Variants in FRMD3 observed in about 807,000 individuals in gnomAD.
The protein encoded by FRMD3 is FERM domain containing 3, also known as FERM domain-containing protein 3.
FRMD3 carries 33 observed loss-of-function variants against 70.2 expected under a neutral mutation model. The observed-to-expected ratio is 0.47, with a 90% CI of 0.36 to 0.63. FRMD3 has a LOEUF of 0.63. FRMD3 is among the 20% of genes least tolerant of loss of function. The pLI is 0.00. For missense variants in FRMD3, 632 were observed against 711.4 expected, an observed-to-expected ratio of 0.89 and a Z score of 1.27; for synonymous variants, 279 against 255.9, an observed-to-expected ratio of 1.09 and a Z score of -0.86.
chr9:83,273,908 T>C (rs557410053), intron 13 of FRMD3, among the ~76,000 whole-genome samples: 15 of 152,278 alleles, frequency 9.9e-5, no homozygotes, highest in Non-Finnish European at 1.8e-4. Flanking sequence ...CTCGACCTCC[T>C]GGGCTTCAAA....
chr9:83,467,973 C>A (rs1485832630), intron 1 of FRMD3, among the ~76,000 whole-genome samples: 1 of 151,930 alleles, frequency 6.6e-6, no homozygotes, highest in East Asian at 1.9e-4. Context: ...ATACTTAGGC[C>A]TCACTCCCAG....
intron 1 of FRMD3, among the ~76,000 whole-genome samples, chr9:83,534,616 C>T (rs1445935156): frequency 6.6e-6 from 1 of 152,160 alleles, no homozygotes; most frequent in Non-Finnish European, 1.5e-5. Context: ...GGCAATTCTC[C>T]CTTAGTTTCT....
the FRMD3 span, among the ~76,000 whole-genome samples, chr9:83,576,331 G>A: frequency 2.8e-4 from 42 of 151,606 alleles, no homozygotes; most frequent in South Asian, 1.2e-3. Context: ...AAAAATTGTC[G>A]AACTCTACAT....
chr9:83,407,054 C>T (rs1826124909), intron 1 of FRMD3, among the ~76,000 whole-genome samples: 1 of 152,168 alleles, frequency 6.6e-6, no homozygotes, highest in Non-Finnish European at 1.5e-5. Context: ...GCAGATCCTG[C>T]TTCTGCATGA....
At chr9:83,271,580 G>A in intron 13 of FRMD3, among the ~76,000 whole-genome samples, 1 of 152,170 alleles carries the variant, frequency 6.6e-6, no homozygotes, top group East Asian at 1.9e-4. Context: ...TGGAAAGTGA[G>A]ACAACAGTAT....
At chr9:83,521,951 C>T (rs1172989007) in intron 1 of FRMD3, among the ~76,000 whole-genome samples, 1 of 152,204 alleles carries the variant, frequency 6.6e-6, no homozygotes, top group East Asian at 1.9e-4. Flanking sequence ...TCATCTACTC[C>T]AGAAAATCTT....
chr9:83,571,044 T>C, the FRMD3 span, among the ~76,000 whole-genome samples: 3 of 152,306 alleles, frequency 2.0e-5, no homozygotes, highest in East Asian at 3.9e-4. Flanking sequence ...TCATATGGAC[T>C]AGTGGGAGGT....
chr9:83,484,848 A>G (rs987616057), intron 1 of FRMD3, among the ~76,000 whole-genome samples: 13 of 152,368 alleles, frequency 8.5e-5, no homozygotes, highest in African/African-American at 3.1e-4. Context: ...AGAAGTTGTA[A>G]AAGGAAACAA....
At chr9:83,561,544 A>G in the FRMD3 span, among the ~76,000 whole-genome samples, 1 of 152,308 alleles carries the variant, frequency 6.6e-6, no homozygotes, top group East Asian at 1.9e-4. Flanking sequence ...AAATCTGCAA[A>G]TCCTAAACAA....
the FRMD3 span, among the ~76,000 whole-genome samples, chr9:83,552,418 T>C: frequency 6.6e-6 from 1 of 152,190 alleles, no homozygotes; most frequent in Non-Finnish European, 1.5e-5. Flanking sequence ...AGAGTATGTG[T>C]CATGTGACAA....
chr9:83,266,792 A>G (rs1335368884), intron 13 of FRMD3, among the ~76,000 whole-genome samples: 1 of 152,082 alleles, frequency 6.6e-6, no homozygotes, highest in Non-Finnish European at 1.5e-5. Flanking sequence ...TGACAACTTT[A>G]TATCATTTGG....
chr9:83,451,368 A>C (rs7866764), intron 1 of FRMD3, among the ~76,000 whole-genome samples: 1 of 143,072 alleles, frequency 7.0e-6, no homozygotes, highest in Non-Finnish European at 1.5e-5. Context: ...ACACACACAC[A>C]CAAGCACACA....
At chr9:83,485,143 G>C (rs1391691846) in intron 1 of FRMD3, among the ~76,000 whole-genome samples, 1 of 152,188 alleles carries the variant, frequency 6.6e-6, no homozygotes, top group African/African-American at 2.4e-5. Context: ...CACCAGAGGG[G>C]CTGGGAAAGC....
At chr9:83,556,888 A>T in the FRMD3 span, among the ~76,000 whole-genome samples, 2 of 152,014 alleles carry the variant, frequency 1.3e-5, no homozygotes, top group African/African-American at 4.8e-5. Flanking sequence ...AATAATTTTT[A>T]TCTTGTCTCT....
chr9:83,335,761 T>C (rs994754693), intron 5 of FRMD3, 122 bp from the exon 6 acceptor site: 45 of 755,220 alleles, frequency 6.0e-5, no homozygotes, highest in East Asian at 8.2e-5. Context: ...CCCAAAAATA[T>C]GTATCTGTAC....
intron 1 of FRMD3, among the ~76,000 whole-genome samples, chr9:83,444,600 T>A (rs763702173): frequency 9.2e-5 from 14 of 152,000 alleles, no homozygotes; most frequent in Non-Finnish European, 1.8e-4. Context: ...TGTACTTGAA[T>A]CACATTGACC....
Position 83,247,905 on chromosome 9 carries a change from T to C in FRMD3, c.*13A>G. Reference sequence around the variant, plus strand: ...GCATTGAATATAGCCCTTAGTCACGTGAGAGATTAACTTCATGAGCAACCC... The same window carrying C: ...GCATTGAATATAGCCCTTAGTCACGCGAGAGATTAACTTCATGAGCAACCC... On this transcript the variant is annotated 3_prime_UTR_variant, in exon 14 of 14. Coordinates refer to ENST00000304195, the MANE Select transcript of FRMD3 (RefSeq NM_174938.6). 1 of 1,611,768 alleles carries C rather than the reference T, an allele frequency of 6.2e-7. No individual in the cohort carries two copies. The highest frequency in any genetic ancestry group is 8.5e-7 in the Non-Finnish European group (1 of 1,178,278).
chr9:83,533,138 G>A (rs915217464), intron 1 of FRMD3, among the ~76,000 whole-genome samples: 1 of 152,162 alleles, frequency 6.6e-6, no homozygotes, highest in African/African-American at 2.4e-5. Context: ...AGTCCCAAGA[G>A]GCAGTGCTCC....
At chr9:83,346,334 T>C (rs1189254369) in intron 4 of FRMD3, among the ~76,000 whole-genome samples, 1 of 151,180 alleles carries the variant, frequency 6.6e-6, no homozygotes, top group Non-Finnish European at 1.5e-5. Context: ...AAATGTGGCA[T>C]TTCCATACAC....
Sources: allele counts gnomAD v4.1 joint callset (sites outside exome capture counted in the v4.1 genomes callset), GRCh38; gene constraint gnomAD v4.1.1; transcripts MANE v1.5; gene names NCBI Gene and HGNC (gene_info 2026-07-23, HGNC 2026-07-21).